Variants in FHIT observed in about 807,000 individuals in gnomAD.
The protein encoded by FHIT is fragile histidine triad diadenosine triphosphatase.
Under a neutral mutation model 17.9 loss-of-function variants are expected in FHIT, and 19 were observed. That is an observed-to-expected ratio of 1.06 (90% confidence interval 0.74 to 1.56). FHIT has a LOEUF of 1.56. Ranked by LOEUF, FHIT falls within the 40% of genes most tolerant of loss-of-function variation. The pLI, the probability that FHIT is intolerant of heterozygous loss-of-function variation, is 0.00. For synonymous variants in FHIT, 81 were observed against 69.7 expected (o/e 1.16, Z -0.81); for missense variants, 248 against 189.2 (o/e 1.31, Z -1.82).
At chr3:60,726,650 C>A (rs966838628) in intron 4 of FHIT, among the ~76,000 whole-genome samples, 2 of 152,124 alleles carry the variant, frequency 1.3e-5, no homozygotes, top group East Asian at 3.9e-4. Flanking sequence ...ATGATAAATA[C>A]AATAATAATA....
chr3:60,111,091 C>G (rs1303306177), intron 5 of FHIT, among the ~76,000 whole-genome samples: 1 of 149,676 alleles, frequency 6.7e-6, no homozygotes, highest in Non-Finnish European at 1.5e-5. Context: ...TCTGATAGGC[C>G]AAGAAGAAAA....
chr3:60,123,997 T>TA (rs1705394717), intron 5 of FHIT, among the ~76,000 whole-genome samples: 1 of 33,908 alleles, frequency 2.9e-5, no homozygotes, highest in African/African-American at 1.2e-4. Flanking sequence ...TATATATATA[T>TA]ATATATATAT....
At position 61,058,372 on chromosome 3, in the gene FHIT, TC is replaced by T. The variant is rs142719981; in HGVS notation, c.-163-16274del. 2.9e-3 allele frequency among the ~76,000 whole-genome samples: 444 copies of T among 152,300 alleles called. 1 individual carries two copies. Among genetic ancestry groups the T allele is most frequent in the African/African-American group, 1.0e-2 (415 of 41,568 alleles). ...GTAAGATAACATCATTCTCATTCATTCCCCTCCCCAATATAGTTCCTAAGGA... is the reference window on the plus strand; with the variant it reads ...GTAAGATAACATCATTCTCATTCATTCCCTCCCCAATATAGTTCCTAAGGA... On this transcript the variant is annotated intron_variant, in intron 2 of 9. Coordinates refer to ENST00000492590, the MANE Select transcript of FHIT (RefSeq NM_002012.4).
chr3:59,904,478 A>G (rs1704491582), intron 8 of FHIT, among the ~76,000 whole-genome samples: 1 of 152,140 alleles, frequency 6.6e-6, no homozygotes, highest in African/African-American at 2.4e-5. Flanking sequence ...ATTTCCCTTC[A>G]ATATTCCCCA....
At chr3:61,203,671 T>C (rs2039107142) in intron 1 of FHIT, among the ~76,000 whole-genome samples, 2 of 152,134 alleles carry the variant, frequency 1.3e-5, no homozygotes, top group South Asian at 2.1e-4. Flanking sequence ...AACAAAACAA[T>C]TTTTAGCATT....
intron 4 of FHIT, among the ~76,000 whole-genome samples, chr3:60,797,941 T>C (rs1307732557): frequency 1.3e-5 from 2 of 152,168 alleles, no homozygotes; most frequent in Non-Finnish European, 2.9e-5. Flanking sequence ...TTTTTCAATG[T>C]ATAATTAATT....
chr3:59,895,772 G>A (rs2107042145), intron 8 of FHIT, among the ~76,000 whole-genome samples: 1 of 152,250 alleles, frequency 6.6e-6, no homozygotes, highest in East Asian at 1.9e-4. Flanking sequence ...CCTGTTAAAG[G>A]CGTTAATCAG....
At chr3:60,731,349 G>A (rs1445252401) in intron 4 of FHIT, among the ~76,000 whole-genome samples, 1 of 152,144 alleles carries the variant, frequency 6.6e-6, no homozygotes, top group Non-Finnish European at 1.5e-5. Context: ...AGGAGTGAAA[G>A]TTTATTAGAA....
chr3:59,865,242 A>G (rs1442604083), intron 8 of FHIT, among the ~76,000 whole-genome samples: 1 of 152,236 alleles, frequency 6.6e-6, no homozygotes, highest in Non-Finnish European at 1.5e-5. Flanking sequence ...TTATAGAAAT[A>G]CATTAAATCT....
intron 5 of FHIT, among the ~76,000 whole-genome samples, chr3:60,356,125 A>T (rs145228712): frequency 5.3e-4 from 81 of 152,322 alleles, no homozygotes; most frequent in Non-Finnish European, 1.1e-3. Context: ...AAATAATTTT[A>T]TGTTACATTT....
In FHIT at chr3:60,784,516, A is replaced by G. The variant is rs529862650; in HGVS notation, c.-18+37403T>C. Among the ~76,000 whole-genome samples the G allele has an allele frequency of 9.2e-5, 14 of 152,076 alleles. No individual in the cohort carries two copies. In the South Asian group the frequency reaches 1.7e-3, roughly 18 times the overall value. ...ACACTCAGCTAATTTTTGTCCTTTTAGTAGAGATGGGGTTTTGCCATGTTG... is the reference window on the plus strand; with the variant it reads ...ACACTCAGCTAATTTTTGTCCTTTTGGTAGAGATGGGGTTTTGCCATGTTG... On this transcript the variant is annotated intron_variant, in intron 4 of 9. Coordinates refer to ENST00000492590, the MANE Select transcript of FHIT (RefSeq NM_002012.4).
intron 3 of FHIT, among the ~76,000 whole-genome samples, chr3:61,032,285 G>T (rs1003024618): frequency 3.9e-5 from 6 of 152,160 alleles, no homozygotes; most frequent in Non-Finnish European, 7.4e-5. Context: ...TTGGAGCCAG[G>T]AACCTTCCAG....
intron 2 of FHIT, among the ~76,000 whole-genome samples, chr3:61,112,821 C>T (rs1003743057): frequency 6.6e-6 from 1 of 152,136 alleles, no homozygotes; most frequent in Non-Finnish European, 1.5e-5. Context: ...CCTGAACAGA[C>T]TAACGGTCAA....
intron 3 of FHIT, among the ~76,000 whole-genome samples, chr3:60,998,594 G>A (rs574664781): frequency 6.6e-6 from 1 of 151,946 alleles, no homozygotes. Flanking sequence ...GAATTCATCT[G>A]GCTCATTGTC....
intron 8 of FHIT, among the ~76,000 whole-genome samples, chr3:59,814,987 T>C (rs1257218098): frequency 6.6e-6 from 1 of 152,220 alleles, no homozygotes; most frequent in African/African-American, 2.4e-5. Flanking sequence ...ACACTATTCA[T>C]AGAAATGGGT....
At chr3:60,037,354 A>C (rs573845683) in intron 5 of FHIT, among the ~76,000 whole-genome samples, 1 of 151,988 alleles carries the variant, frequency 6.6e-6, no homozygotes, top group East Asian at 1.9e-4. Flanking sequence ...CTAGATGGCC[A>C]TTTAACCCAC....
chr3:60,777,417 C>T (rs1700245172), intron 4 of FHIT, among the ~76,000 whole-genome samples: 1 of 152,094 alleles, frequency 6.6e-6, no homozygotes. Context: ...TATCTGAAGA[C>T]CTGGGATCAA....
intron 3 of FHIT, among the ~76,000 whole-genome samples, chr3:60,954,499 G>C (rs782056920): frequency 6.6e-6 from 1 of 152,174 alleles, no homozygotes; most frequent in Non-Finnish European, 1.5e-5. Context: ...ACATAAAGCT[G>C]AGTTCAAACC....
At chr3:60,206,941 A>G (rs1277475253) in intron 5 of FHIT, among the ~76,000 whole-genome samples, 2 of 152,174 alleles carry the variant, frequency 1.3e-5, no homozygotes, top group East Asian at 1.9e-4. Flanking sequence ...TTACCTCGGT[A>G]AAGAGTAAAA....
Sources: allele counts gnomAD v4.1 joint callset (sites outside exome capture counted in the v4.1 genomes callset), GRCh38; gene constraint gnomAD v4.1.1; transcripts MANE v1.5; gene names NCBI Gene and HGNC (gene_info 2026-07-23, HGNC 2026-07-21).